COL12A1: variants seen among roughly 807,000 people sequenced by gnomAD.
COL12A1 encodes collagen alpha-1(XII) chain.
In COL12A1, 114 loss-of-function variants were observed where a neutral mutation model predicts 349.7. The observed-to-expected ratio is 0.33, with a 90% CI of 0.28 to 0.38. The LOEUF (loss-of-function observed/expected upper bound fraction) is 0.38. COL12A1 is among the 10% of genes least tolerant of loss of function. The probability of loss-of-function intolerance (pLI) is 1.00; values close to 1 mark genes in which losing one functional copy is unlikely to be tolerated. For synonymous variants in COL12A1, 1,369 were observed against 1,329.0 expected (o/e 1.03, Z -0.66); for missense variants, 3,284 against 3,756.9 (o/e 0.87, Z 3.29).
chr6:75,147,889 G>T, intron 22 of COL12A1, 85 bp from the exon 23 acceptor site: 1 of 1,409,124 alleles, frequency 7.1e-7, no homozygotes, highest in Non-Finnish European at 9.6e-7. Flanking sequence ...GTTAACTGCA[G>T]TGAGCTTAGA....
Position 75,181,127 on chromosome 6 carries a change from A to G in COL12A1, c.1976T>C (p.Val659Ala), listed in dbSNP as rs1769258939. Residue 659 changes from valine to alanine, a missense_variant, in exon 11 of 66, where the codon GTT becomes GCT. Val to Ala is a moderately conservative substitution (Grantham distance 64, BLOSUM62 0). Coordinates refer to ENST00000322507, the MANE Select transcript of COL12A1 (RefSeq NM_004370.6). ...KTNWSPAGEN[V>A]FSYHITYKEA... ...CTTGTAGGTGATGTGATATGAAAAA[A>G]CATTTTCTCCAGCTGGAGACCAGTT... 6.2e-7 allele frequency: 1 copy of G among 1,613,868 alleles called. No homozygotes were observed.
chr6:75,140,083 T>C (rs777046606), intron 27 of COL12A1, among the ~76,000 whole-genome samples: 5 of 152,158 alleles, frequency 3.3e-5, no homozygotes, highest in Non-Finnish European at 5.9e-5. Flanking sequence ...TATTTGGAAA[T>C]CTTAAGGGAA....
chr6:75,128,258 T>C, intron 38 of COL12A1, 38 bp downstream of exon 38: 1 of 1,520,018 alleles, frequency 6.6e-7, no homozygotes, highest in Non-Finnish European at 8.8e-7. Flanking sequence ...ATTGACAATT[T>C]CAAAGCAAAA....
At chr6:75,142,839 T>C (rs559939451) in intron 26 of COL12A1, among the ~76,000 whole-genome samples, 4 of 152,310 alleles carry the variant, frequency 2.6e-5, no homozygotes, top group Non-Finnish European at 4.4e-5. Context: ...TCTGTGTCCT[T>C]CTCTAGTGTC....
Position 75,095,192 on chromosome 6 carries a change from G to T in COL12A1, c.8578-13C>A, listed in dbSNP as rs754460923. On this transcript the variant is annotated splice_polypyrimidine_tract_variant and intron_variant, in intron 59 of 65. Transcript: ENST00000322507. ...AGCCTGGGCTTCCCTACAACACATG[G>T]AAAGGGAAGGGGACTGTTATGACAA... 1 of 1,606,028 alleles carries T rather than the reference G, an allele frequency of 6.2e-7. No homozygotes were observed. Among genetic ancestry groups the T allele is most frequent in the East Asian group, 2.2e-5 (1 of 44,816 alleles).
chr6:75,141,152 A>C (rs922503554), intron 27 of COL12A1, among the ~76,000 whole-genome samples: 2 of 152,216 alleles, frequency 1.3e-5, no homozygotes, highest in East Asian at 1.9e-4. Context: ...AACTACATAT[A>C]AAACTCCCAT....
At chr6:75,151,320 C>T (rs1288861459) in intron 20 of COL12A1, 33 bp from the exon 21 acceptor site, 3 of 1,586,060 alleles carry the variant, frequency 1.9e-6, no homozygotes. Context: ...ATTAAAAGCA[C>T]TTCTCAGAAA....
chr6:75,091,560 C>T lies in COL12A1; in HGVS notation c.8650-35G>A, dbSNP rs146082529. The T allele has an allele frequency of 8.8e-6, 14 of 1,590,042 alleles. No individual in the cohort carries two copies. The African/African-American group carries it at 1.1e-4, about 12-fold the overall frequency. On this transcript the variant is annotated intron_variant, in intron 60 of 65. Transcript: ENST00000322507. ...ATGAATTACATACATTAGAAACTGA[C>T]AAACATACTCTAAAATGATGCATGA...
rs550024242 is a variant in COL12A1, at chr6:75,138,997, A to C, written c.4958-36T>G. 2.5e-6 allele frequency: 4 copies of C among 1,609,278 alleles called. No individual in the cohort carries two copies. In the South Asian group the frequency reaches 4.4e-5, roughly 18 times the overall value. On this transcript the variant is annotated intron_variant, in intron 27 of 65. Transcript: ENST00000322507. ...AAAAGGCAAGCAGACTAAGTTTTTG[A>C]ATGTGAGCTGCAAATGCAATTTAAT...
chr6:75,144,708 A>G (rs1017961498), intron 25 of COL12A1, among the ~76,000 whole-genome samples: 7 of 152,238 alleles, frequency 4.6e-5, no homozygotes, highest in Non-Finnish European at 1.0e-4. Context: ...AGAAATGCAA[A>G]CCAGGAAGGA....
In COL12A1 at chr6:75,175,207, T is replaced by C. The variant is rs775341470; in HGVS notation, c.2541A>G (p.Thr847=). The change falls in exon 13 of 66, where the codon ACA becomes ACG. Residue 847 remains threonine (T), a synonymous_variant. Transcript: ENST00000322507. ...APGKVKQYLV[T]YTPVAGGETQ... Reference sequence around the variant, plus strand: ...TTTCACCCCCTGCCACTGGGGTATATGTGACGAGATACTGTTTCACTTTTC... The same window carrying C: ...TTTCACCCCCTGCCACTGGGGTATACGTGACGAGATACTGTTTCACTTTTC... 1 of 1,614,196 alleles carries C rather than the reference T, an allele frequency of 6.2e-7. No homozygotes were observed. Among genetic ancestry groups the C allele is most frequent in the Non-Finnish European group, 8.5e-7 (1 of 1,180,030 alleles).
chr6:75,121,483 T>G (rs771981508), intron 43 of COL12A1, 42 bp from the exon 44 acceptor site: 13 of 1,471,064 alleles, frequency 8.8e-6, no homozygotes, highest in Admixed American at 8.5e-5. Context: ...ATCTCATGAA[T>G]TCTTTCATTT....
intron 42 of COL12A1, 50 bp downstream of exon 42, chr6:75,123,898 A>G: frequency 6.4e-7 from 1 of 1,557,936 alleles, no homozygotes; most frequent in Non-Finnish European, 8.7e-7. Flanking sequence ...TACCTAGAGC[A>G]TTCTATTCTA....
At chr6:75,123,239 T>C (rs1765833655) in intron 43 of COL12A1, 91 bp downstream of exon 43, 4 of 1,079,794 alleles carry the variant, frequency 3.7e-6, no homozygotes, top group Non-Finnish European at 4.2e-6. Context: ...AGAAATGTTC[T>C]ATATTAATTG....
At position 75,124,301 on chromosome 6, in the gene COL12A1, A is replaced by T; in HGVS notation, c.6678T>A (p.Pro2226=). The change falls in exon 41 of 66, where the codon CCT becomes CCA. Residue 2226 remains proline, a synonymous_variant. Transcript: ENST00000322507. ...GWDTFCVKWS[P]HRAATSYRLK... ...GCCTGTAGGAGGTGGCTGCCCGGTG[A>T]GGTGACCATTTGACACAGAATGTAT... 6.2e-7 allele frequency: 1 copy of T among 1,613,822 alleles called. No individual in the cohort carries two copies. The highest frequency in any genetic ancestry group is 8.5e-7 in the Non-Finnish European group (1 of 1,179,844).
chr6:75,130,298 G>A (rs1426611564), intron 36 of COL12A1, 65 bp from the exon 37 acceptor site: 8 of 1,527,618 alleles, frequency 5.2e-6, no homozygotes, highest in African/African-American at 1.4e-5. Flanking sequence ...TCAGATTAAG[G>A]AGGTTGCTTG....
At position 75,199,685 on chromosome 6, in the gene COL12A1, C is replaced by T. The variant is rs1181124503; in HGVS notation, c.73+3035G>A. 2.0e-5 allele frequency among the ~76,000 whole-genome samples: 3 copies of T among 152,136 alleles called. No individual in the cohort carries two copies. The East Asian group carries it at 5.8e-4, about 29-fold the overall frequency. ...AATAATTCATACATTCTAGGCCACTCAGATACAGTTGATAAAGTCTATGCA... is the reference window on the plus strand; with the variant it reads ...AATAATTCATACATTCTAGGCCACTTAGATACAGTTGATAAAGTCTATGCA... On this transcript the variant is annotated intron_variant, in intron 2 of 65. Coordinates refer to ENST00000322507, the MANE Select transcript of COL12A1 (RefSeq NM_004370.6).
In COL12A1 at chr6:75,183,503, T is replaced by G; in HGVS notation, c.1438A>C (p.Ser480Arg). 2 of 1,614,196 alleles carry G rather than the reference T, an allele frequency of 1.2e-6. No homozygotes were observed. Among genetic ancestry groups the G allele is most frequent in the Non-Finnish European group, 8.5e-7 (1 of 1,180,042 alleles). Residue 480 changes from serine (S) to arginine (R), a missense_variant, in exon 10 of 66, where the codon AGT (serine) becomes CGT (arginine). Around this residue, in one of 2 missense-constraint regions of COL12A1, gnomAD observed 2,601 missense variants for 2,824.8 expected, o/e 0.92. Coordinates refer to ENST00000322507, the MANE Select transcript of COL12A1 (RefSeq NM_004370.6). Reference protein sequence around the residue: ...FEISPNRVQISLVQYSRDPHT... With the variant: ...FEISPNRVQIRLVQYSRDPHT... The stretch of plus-strand genomic sequence containing the variant: ...GGATCCCGGCTGTATTGCACAAGAC[T>G]AATCTGGACCCTATTTGGTGAAATT...
At chr6:75,122,332 G>A (rs759050822) in intron 43 of COL12A1, among the ~76,000 whole-genome samples, 1 of 152,148 alleles carries the variant, frequency 6.6e-6, no homozygotes, top group Non-Finnish European at 1.5e-5. Flanking sequence ...TGGACTTTGG[G>A]TGGTGATGAT....
Sources: gnomAD v4.1 joint callset for allele counts (sites outside exome capture counted in the v4.1 genomes callset) on GRCh38, gnomAD v4.1.1 for gene constraint, gnomAD v4.1.1 regional missense constraint, MANE v1.5 for transcripts, NCBI Gene and HGNC (gene_info 2026-07-23, HGNC 2026-07-21) for gene names.